Variants in MTUS2 observed in about 807,000 individuals in gnomAD.
MTUS2 encodes microtubule-associated tumor suppressor candidate 2.
A neutral mutation model predicts 114.1 loss-of-function variants in MTUS2; 40 were observed. The observed-to-expected ratio is 0.35, with a 90% CI of 0.27 to 0.46. The LOEUF (loss-of-function observed/expected upper bound fraction) is 0.46, where lower values mean the gene tolerates loss of function less well. MTUS2 is among the 20% of genes least tolerant of loss of function. MTUS2 has a pLI of 1.00. For missense variants in MTUS2, 1,679 were observed against 1,705.4 expected (o/e 0.98, Z 0.27); for synonymous variants, 688 against 672.0 (o/e 1.02, Z -0.37).
intron 7 of MTUS2, among the ~76,000 whole-genome samples, chr13:29,343,023 T>A (rs1797648796): frequency 6.6e-6 from 1 of 152,162 alleles, no homozygotes. Flanking sequence ...TTGATCATGG[T>A]GGATTACCTT....
intron 5 of MTUS2, among the ~76,000 whole-genome samples, chr13:29,131,291 T>TG: frequency 6.6e-6 from 1 of 152,394 alleles, no homozygotes; most frequent in South Asian, 2.1e-4. Flanking sequence ...CTAGAGGTTT[T>TG]GGAGATTGAC....
Position 29,380,707 on chromosome 13 carries a change from G to A in MTUS2, c.3117+21234G>A, listed in dbSNP as rs1258745301. Reference sequence around the variant, plus strand: ...CGAGGCGGGTGGATCATGAGGTCAGGAGATCGAGACCATCCTGGCTAACAA... The same window carrying A: ...CGAGGCGGGTGGATCATGAGGTCAGAAGATCGAGACCATCCTGGCTAACAA... On this transcript the variant is annotated intron_variant, in intron 8 of 15. Transcript: ENST00000612955. 1.1e-4 allele frequency among the ~76,000 whole-genome samples: 2 copies of A among 18,954 alleles called. 1 individual carries two copies. The highest frequency in any genetic ancestry group is 6.3e-4 in the Non-Finnish European group (2 of 3,180). The allele number at this position is 18,954 out of a possible 152,430, so 12.4% of individuals were successfully genotyped here.
At chr13:29,093,207 G>A (rs976792329) in intron 4 of MTUS2, among the ~76,000 whole-genome samples, 10 of 152,210 alleles carry the variant, frequency 6.6e-5, no homozygotes, top group African/African-American at 2.4e-4. Flanking sequence ...CACTTTGGGA[G>A]ACTAAGACGG....
chr13:29,182,223 A>G (rs147197619), intron 5 of MTUS2, among the ~76,000 whole-genome samples: 1 of 152,336 alleles, frequency 6.6e-6, no homozygotes, highest in East Asian at 1.9e-4. Context: ...TCTCACACCC[A>G]GTATCCAATC....
intron 2 of MTUS2, among the ~76,000 whole-genome samples, chr13:29,002,317 A>C (rs1885420690): frequency 6.6e-6 from 1 of 152,162 alleles, no homozygotes; most frequent in Admixed American, 6.5e-5. Context: ...CAGTTTTTAG[A>C]AGGTAGGCTA....
chr13:29,090,076 C>T (rs1889869675), intron 4 of MTUS2, among the ~76,000 whole-genome samples: 2 of 152,138 alleles, frequency 1.3e-5, no homozygotes, highest in South Asian at 2.1e-4. Flanking sequence ...TTACTTTAAT[C>T]TTTAAAGTTG....
At position 29,026,760 on chromosome 13, in the gene MTUS2, G is replaced by A. The variant is rs1359944762; in HGVS notation, c.2062G>A (p.Asp688Asn). 4 of 1,613,812 alleles carry A rather than the reference G, an allele frequency of 2.5e-6. No homozygotes were observed. Among genetic ancestry groups the A allele is most frequent in the East Asian group, 2.2e-5 (1 of 44,888 alleles). The change falls in exon 3 of 16, where the codon GAC becomes AAC. Residue 688 changes from aspartate to asparagine, a missense_variant. Asp to Asn is a conservative substitution (Grantham distance 23). This residue lies in a region of MTUS2 where 822 missense variants were observed against 899.7 expected (regional missense o/e 0.91). Transcript: ENST00000612955. ...LPHEEKAAGG[D>N]LKPSANLYEK... is the part of the protein sequence containing the mutation. ...CCACGAAGAGAAGGCAGCAGGTGGT[G>A]ACCTGAAGCCATCTGCCAACCTCTA...
chr13:28,981,451 G>GGGACTGTTCTATA (rs1164835442), intron 2 of MTUS2, among the ~76,000 whole-genome samples: 1 of 152,156 alleles, frequency 6.6e-6, no homozygotes. Flanking sequence ...GGAGGGTGAT[G>GGGACTGTTCTATA]GGACTGTTCT....
intron 2 of MTUS2, among the ~76,000 whole-genome samples, chr13:28,923,892 A>G (rs1881183328): frequency 1.3e-5 from 2 of 151,932 alleles, no homozygotes; most frequent in Admixed American, 6.6e-5. Context: ...GACCCTGGAT[A>G]CTTTCTGTGG....
chr13:29,058,988 T>C (rs1178440636), intron 4 of MTUS2, among the ~76,000 whole-genome samples: 1 of 152,210 alleles, frequency 6.6e-6, no homozygotes, highest in Non-Finnish European at 1.5e-5. Flanking sequence ...TTTAGAGTCC[T>C]GGGATTGGTT....
At chr13:29,364,391 G>A (rs1483510644) in intron 8 of MTUS2, among the ~76,000 whole-genome samples, 1 of 152,090 alleles carries the variant, frequency 6.6e-6, no homozygotes, top group Admixed American at 6.6e-5. Flanking sequence ...TTAAGCCCTT[G>A]GTAAATTAGT....
chr13:29,428,031 G>C (rs1373190713), intron 8 of MTUS2, among the ~76,000 whole-genome samples: 1 of 152,166 alleles, frequency 6.6e-6, no homozygotes, highest in Non-Finnish European at 1.5e-5. Context: ...TTGCCTAGGA[G>C]AGATACCTGC....
intron 6 of MTUS2, chr13:29,307,577 AG>A: frequency 8.1e-7 from 1 of 1,235,080 alleles, no homozygotes; most frequent in Non-Finnish European, 1.2e-6. Context: ...CAGGTGTCAG[AG>A]GGCCCCCTCA....
At chr13:29,233,206 G>T (rs898795572) in intron 5 of MTUS2, among the ~76,000 whole-genome samples, 7 of 144,382 alleles carry the variant, frequency 4.8e-5, no homozygotes, top group African/African-American at 1.8e-4. Flanking sequence ...GCTATTTATT[G>T]AGGGTTTTGG....
intron 6 of MTUS2, among the ~76,000 whole-genome samples, chr13:29,304,858 C>T (rs1057006180): frequency 2.0e-5 from 3 of 152,160 alleles, no homozygotes; most frequent in Admixed American, 2.0e-4. Context: ...CCACATGGCA[C>T]TTACTCTAAA....
At chr13:28,929,844 A>T (rs1219594025) in intron 2 of MTUS2, among the ~76,000 whole-genome samples, 1 of 152,142 alleles carries the variant, frequency 6.6e-6, no homozygotes, top group Non-Finnish European at 1.5e-5. Flanking sequence ...AGGGGACCCC[A>T]CTGTGTAGTA....
chr13:29,224,761 T>A (rs1425105084), intron 5 of MTUS2, among the ~76,000 whole-genome samples: 1 of 146,878 alleles, frequency 6.8e-6, no homozygotes, highest in East Asian at 2.0e-4. Flanking sequence ...CAGGCTCATT[T>A]TGTTGTTGCT....
intron 8 of MTUS2, among the ~76,000 whole-genome samples, chr13:29,371,025 C>T (rs1437590545): frequency 1.3e-5 from 2 of 152,120 alleles, no homozygotes; most frequent in South Asian, 2.1e-4. Flanking sequence ...TATTGGGTTC[C>T]AGTGACTTGT....
intron 5 of MTUS2, among the ~76,000 whole-genome samples, chr13:29,183,346 G>C (rs887570950): frequency 6.6e-6 from 1 of 152,092 alleles, no homozygotes; most frequent in Non-Finnish European, 1.5e-5. Context: ...CATCAATGGA[G>C]ATGAGGAAAA....
Sources: gnomAD v4.1 joint callset for allele counts (sites outside exome capture counted in the v4.1 genomes callset) on GRCh38, gnomAD v4.1.1 for gene constraint, gnomAD v4.1.1 regional missense constraint, MANE v1.5 for transcripts, NCBI Gene and HGNC (gene_info 2026-07-23, HGNC 2026-07-21) for gene names.